AGBL1: variants seen among roughly 807,000 people sequenced by gnomAD.
AGBL1 encodes cytosolic carboxypeptidase 4.
AGBL1 carries 130 observed loss-of-function variants against 118.9 expected under a neutral mutation model. The observed-to-expected ratio is 1.09, with a 90% CI of 0.95 to 1.26. The LOEUF (loss-of-function observed/expected upper bound fraction) is 1.26. Among genes scored for constraint, AGBL1 ranks in the 50% most tolerant of loss-of-function variants. The probability of loss-of-function intolerance (pLI) is 0.00; values close to 1 mark genes in which losing one functional copy is unlikely to be tolerated. For synonymous variants in AGBL1, 555 were observed against 478.9 expected, an observed-to-expected ratio of 1.16 and a Z score of -2.08; for missense variants, 1,584 against 1,298.1, an observed-to-expected ratio of 1.22 and a Z score of -3.38.
At chr15:86,181,877 C>T (rs1054231547) in intron 5 of AGBL1, among the ~76,000 whole-genome samples, 4 of 151,692 alleles carry the variant, frequency 2.6e-5, no homozygotes, top group Admixed American at 2.0e-4. Context: ...ACTATCTAGT[C>T]GAAAATATAT....
chr15:86,680,975 T>G (rs1227413008), intron 22 of AGBL1, among the ~76,000 whole-genome samples: 3 of 152,156 alleles, frequency 2.0e-5, no homozygotes, highest in Admixed American at 2.0e-4. Context: ...CTCACTTCTT[T>G]CTTTTCTCTT....
intron 5 of AGBL1, among the ~76,000 whole-genome samples, chr15:86,221,252 A>G (rs78775275): frequency 0.041 from 6,315 of 152,200 alleles, 177 homozygotes; most frequent in South Asian, 0.083. Flanking sequence ...AAATCAGTGC[A>G]GCTACCAGAA....
intron 22 of AGBL1, among the ~76,000 whole-genome samples, chr15:86,725,010 C>G (rs555995651): frequency 6.6e-6 from 1 of 151,974 alleles, no homozygotes; most frequent in South Asian, 2.1e-4. Context: ...TATAGCAATG[C>G]AAAAATGGCC....
intron 6 of AGBL1, among the ~76,000 whole-genome samples, chr15:86,245,177 G>A (rs1194387629): frequency 6.6e-6 from 1 of 152,130 alleles, no homozygotes; most frequent in African/African-American, 2.4e-5. Context: ...GAAAAAAAGA[G>A]AGTTTTATTA....
rs149040588 is a variant in AGBL1, at chr15:86,822,042, C to T, written c.3159-85045C>T. 7.6e-3 allele frequency among the ~76,000 whole-genome samples: 1,164 copies of T among 152,280 alleles called. 8 individuals carry two copies. The highest frequency in any genetic ancestry group is 0.02 in the Middle Eastern group (6 of 294). ...AGTACCTGTTCAGTGTCCATGTGTG[C>T]ACAGTACCTGTTCAGTGTCCATGTG... On this transcript the variant is annotated intron_variant, in intron 22 of 22. Transcript: ENST00000614907.
chr15:86,768,238 T>C (rs1435226073), intron 22 of AGBL1, among the ~76,000 whole-genome samples: 3 of 152,012 alleles, frequency 2.0e-5, no homozygotes, highest in Non-Finnish European at 4.4e-5. Flanking sequence ...TTAGTTTTAC[T>C]CCAAATTTCT....
At chr15:86,777,911 T>A (rs1033993386) in intron 22 of AGBL1, among the ~76,000 whole-genome samples, 6 of 152,146 alleles carry the variant, frequency 3.9e-5, no homozygotes, top group African/African-American at 1.4e-4. Context: ...AAGCTAATTA[T>A]CGGGGGAAAT....
intron 22 of AGBL1, among the ~76,000 whole-genome samples, chr15:86,850,494 G>T (rs74383377): frequency 6.6e-6 from 1 of 152,148 alleles, no homozygotes; most frequent in Non-Finnish European, 1.5e-5. Flanking sequence ...CACCATGGGT[G>T]CCCCACTGCG....
intron 5 of AGBL1, among the ~76,000 whole-genome samples, chr15:86,209,408 C>G (rs2078052771): frequency 6.6e-6 from 1 of 152,114 alleles, no homozygotes; most frequent in Non-Finnish European, 1.5e-5. Flanking sequence ...CTAATATTGA[C>G]AGTGGAGTGT....
At chr15:86,930,876 A>G (rs1374845827) in intron 23 of AGBL1, among the ~76,000 whole-genome samples, 3 of 152,182 alleles carry the variant, frequency 2.0e-5, no homozygotes, top group African/African-American at 7.2e-5. Flanking sequence ...TTAAAACAAT[A>G]GTCAAGGAAG....
chr15:86,673,217 A>G (rs140403230), intron 21 of AGBL1, among the ~76,000 whole-genome samples: 1 of 152,192 alleles, frequency 6.6e-6, no homozygotes, highest in Non-Finnish European at 1.5e-5. Context: ...ATTTTGATCA[A>G]TATTATGACT....
intron 7 of AGBL1, among the ~76,000 whole-genome samples, chr15:86,256,561 C>G (rs180791462): frequency 7.2e-5 from 11 of 152,220 alleles, no homozygotes; most frequent in Non-Finnish European, 1.0e-4. Flanking sequence ...GCGCAGCATC[C>G]CTTGAAAGAA....
At chr15:86,097,293 A>G (rs1322113807) in intron 1 of AGBL1, among the ~76,000 whole-genome samples, 1 of 152,144 alleles carries the variant, frequency 6.6e-6, no homozygotes, top group East Asian at 1.9e-4. Context: ...ATCACTGAGT[A>G]TTTGTTGTTT....
At chr15:86,967,823 C>A (rs1399963687) in intron 23 of AGBL1, among the ~76,000 whole-genome samples, 2 of 151,932 alleles carry the variant, frequency 1.3e-5, no homozygotes, top group Admixed American at 6.6e-5. Context: ...TTTTTTTGTT[C>A]CATATGAACT....
At chr15:86,219,010 A>G (rs1157702112) in intron 5 of AGBL1, among the ~76,000 whole-genome samples, 1 of 152,244 alleles carries the variant, frequency 6.6e-6, no homozygotes, top group Non-Finnish European at 1.5e-5. Flanking sequence ...TTGTGGTAAC[A>G]TTACACTGCA....
At chr15:86,154,614 C>T (rs2077163855) in intron 4 of AGBL1, 53 bp downstream of exon 4, 1 of 1,554,206 alleles carries the variant, frequency 6.4e-7, no homozygotes, top group Admixed American at 1.9e-5. Flanking sequence ...TGGGCTGGGA[C>T]ACATGGAAAC....
At chr15:86,942,010 C>T (rs1171887055) in intron 23 of AGBL1, among the ~76,000 whole-genome samples, 3 of 152,170 alleles carry the variant, frequency 2.0e-5, no homozygotes, top group Non-Finnish European at 4.4e-5. Flanking sequence ...ATAGCACAGG[C>T]ATCCAACTCG....
At chr15:86,258,207 G>T (rs2078927950) in intron 9 of AGBL1, among the ~76,000 whole-genome samples, 176 bp downstream of exon 9, 1 of 152,200 alleles carries the variant, frequency 6.6e-6, no homozygotes, top group South Asian at 2.1e-4. Context: ...TTTCCAAGTT[G>T]TCATTTTCAT....
chr15:86,267,284 C>T (rs555051810), intron 13 of AGBL1, among the ~76,000 whole-genome samples: 189 of 152,006 alleles, frequency 1.2e-3, no homozygotes, highest in African/African-American at 4.3e-3. Flanking sequence ...ACCAGTACAC[C>T]ACTAAGTGTA....
Sources: gnomAD v4.1 joint callset for allele counts (sites outside exome capture counted in the v4.1 genomes callset) on GRCh38, gnomAD v4.1.1 for gene constraint, MANE v1.5 for transcripts, NCBI Gene and HGNC (gene_info 2026-07-23, HGNC 2026-07-21) for gene names.